The following RTL4 variants were observed in gnomAD, a reference collection of about 807,000 sequenced individuals.
The protein encoded by RTL4 is retrotransposon Gag-like protein 4.
Under a neutral mutation model 5.3 loss-of-function variants are expected in RTL4, and 4 were observed. The ratio of observed to expected loss-of-function variants is 0.75; its 90% confidence interval spans 0.37 to 1.72. The LOEUF is 1.72. Ranked by LOEUF, RTL4 falls within the 40% of genes most tolerant of loss-of-function variation. The probability of loss-of-function intolerance (pLI) is 0.04; values close to 1 mark genes in which losing one functional copy is unlikely to be tolerated. For synonymous variants in RTL4, 98 were observed against 87.3 expected (o/e 1.12, Z -0.68); for missense variants, 260 against 227.1 (o/e 1.14, Z -0.93).
the RTL4 span, among the ~76,000 whole-genome samples, chrX:112,220,284 A>T: frequency 8.9e-6 from 1 of 112,826 alleles, no homozygotes. Context: ...ATATATTTTT[A>T]AAAAGGACTA....
At chrX:112,366,506 C>T in the RTL4 span, among the ~76,000 whole-genome samples, 1 of 111,337 alleles carries the variant, frequency 9.0e-6, no homozygotes, top group Non-Finnish European at 1.9e-5. Context: ...AGAATGTGGG[C>T]TCATGTAATT....
chrX:112,106,740 T>C, the RTL4 span, among the ~76,000 whole-genome samples: 2 of 112,179 alleles, frequency 1.8e-5, no homozygotes, highest in Admixed American at 1.9e-4. Flanking sequence ...TCGTGATTTT[T>C]ATTTGCATTT....
chrX:112,309,493 G>A, the RTL4 span, among the ~76,000 whole-genome samples: 1 of 110,365 alleles, frequency 9.1e-6, no homozygotes, highest in African/African-American at 3.3e-5. Flanking sequence ...TGAAATTCAT[G>A]TGTCTTTTTT....
the RTL4 span, among the ~76,000 whole-genome samples, chrX:112,117,476 A>G: frequency 9.0e-6 from 1 of 111,294 alleles, no homozygotes; most frequent in Non-Finnish European, 1.9e-5. Context: ...TAATACCCTT[A>G]ACATATACTA....
the RTL4 span, among the ~76,000 whole-genome samples, chrX:112,350,934 T>C: frequency 3.6e-5 from 4 of 111,236 alleles, no homozygotes; most frequent in Non-Finnish European, 5.7e-5. Flanking sequence ...GCTCTTGCTT[T>C]TCTAGTTCTT....
the RTL4 span, among the ~76,000 whole-genome samples, chrX:112,431,771 G>A: frequency 9.3e-6 from 1 of 107,821 alleles, no homozygotes; most frequent in African/African-American, 3.4e-5. Context: ...GGGTACATGT[G>A]CACAATGTGC....
chrX:112,224,783 G>A, the RTL4 span, among the ~76,000 whole-genome samples: 1 of 111,624 alleles, frequency 9.0e-6, no homozygotes, highest in African/African-American at 3.3e-5. Context: ...CCTGAAAGGT[G>A]AAAATTTGTA....
At chrX:112,355,689 G>C in the RTL4 span, among the ~76,000 whole-genome samples, 3 of 110,827 alleles carry the variant, frequency 2.7e-5, no homozygotes, top group African/African-American at 9.9e-5. Context: ...CGCTGGGGTG[G>C]GATGATCCTG....
At chrX:112,084,479 T>C in the RTL4 span, among the ~76,000 whole-genome samples, 20 of 110,056 alleles carry the variant, frequency 1.8e-4, no homozygotes, top group Admixed American at 1.2e-3. Context: ...TCAGGAAGTG[T>C]TTCTAAAGAT....
the RTL4 span, among the ~76,000 whole-genome samples, chrX:112,161,662 A>G: frequency 1.8e-5 from 2 of 111,364 alleles, no homozygotes; most frequent in Non-Finnish European, 3.8e-5. Context: ...CCAAACACAT[A>G]TAACAGAGAC....
chrX:112,393,428 A>G, the RTL4 span, among the ~76,000 whole-genome samples: 1 of 110,628 alleles, frequency 9.0e-6, no homozygotes, highest in Non-Finnish European at 1.9e-5. Context: ...GAAATCGCAA[A>G]GATGGCAGCC....
the RTL4 span, among the ~76,000 whole-genome samples, chrX:112,414,996 A>G: frequency 9.0e-6 from 1 of 111,731 alleles, no homozygotes; most frequent in African/African-American, 3.2e-5. Flanking sequence ...CTATTCTCAG[A>G]CATACATTTT....
chrX:112,163,337 G>C, the RTL4 span, among the ~76,000 whole-genome samples: 19 of 111,878 alleles, frequency 1.7e-4, 1 homozygote, highest in Admixed American at 1.3e-3. Context: ...TGTACCTTTG[G>C]TTGTTGGTGG....
chrX:112,324,560 T>A, the RTL4 span, among the ~76,000 whole-genome samples: 1 of 111,032 alleles, frequency 9.0e-6, no homozygotes, highest in Non-Finnish European at 1.9e-5. Context: ...TGATGTGCAA[T>A]TTTTTTTAAC....
At chrX:112,102,133 A>T in the RTL4 span, among the ~76,000 whole-genome samples, 525 of 111,666 alleles carry the variant, frequency 4.7e-3, no homozygotes, top group Admixed American at 7.9e-3. Flanking sequence ...AATATAGTAT[A>T]GGGACTCTCT....
At chrX:112,444,558 A>G in the RTL4 span, among the ~76,000 whole-genome samples, 517 of 111,909 alleles carry the variant, frequency 4.6e-3, 3 homozygotes, top group Non-Finnish European at 6.3e-3. Flanking sequence ...GAAGTATTAC[A>G]TCCTCCTTTC....
At chrX:112,143,636 T>TA in the RTL4 span, among the ~76,000 whole-genome samples, 3 of 111,935 alleles carry the variant, frequency 2.7e-5, no homozygotes, top group Non-Finnish European at 5.6e-5. Flanking sequence ...TATCAGCCAT[T>TA]AATAAAGCAG....
At chrX:112,433,087 C>G in the RTL4 span, among the ~76,000 whole-genome samples, 2 of 110,566 alleles carry the variant, frequency 1.8e-5, no homozygotes, top group East Asian at 5.7e-4. Flanking sequence ...TTCCATTGAT[C>G]TATATCTCTG....
the RTL4 span, among the ~76,000 whole-genome samples, chrX:112,113,472 C>A: frequency 1.8e-5 from 2 of 111,472 alleles, no homozygotes; most frequent in African/African-American, 6.5e-5. Context: ...TGGATGGTAA[C>A]GGACTTTGAG....
Sources: gnomAD v4.1 joint callset for allele counts (sites outside exome capture counted in the v4.1 genomes callset) on GRCh38, gnomAD v4.1.1 for gene constraint, MANE v1.5 for transcripts, NCBI Gene and HGNC (gene_info 2026-07-23, HGNC 2026-07-21) for gene names.